Variants in CPNE8 observed in about 807,000 individuals in gnomAD.
CPNE8 encodes the protein copine 8, also known as copine-8.
In CPNE8, 45 loss-of-function variants were observed where a neutral mutation model predicts 81.5. The observed-to-expected ratio is 0.55, with a 90% CI of 0.44 to 0.71. The LOEUF (loss-of-function observed/expected upper bound fraction) is 0.71. Among genes scored for constraint, CPNE8 ranks in the 30% least tolerant of loss-of-function variants. The pLI, the probability that CPNE8 is intolerant of heterozygous loss-of-function variation, is 0.00. For synonymous variants in CPNE8, 252 were observed against 226.3 expected, an observed-to-expected ratio of 1.11 and a Z score of -1.02; for missense variants, 594 against 672.1, an observed-to-expected ratio of 0.88 and a Z score of 1.28.
intron 5 of CPNE8, among the ~76,000 whole-genome samples, chr12:38,837,506 CA>C (rs1212721226): frequency 6.6e-6 from 1 of 151,646 alleles, no homozygotes; most frequent in Middle Eastern, 3.2e-3. Context: ...TGAGCTCTCC[CA>C]AAAACAGTTT....
At chr12:38,690,179 A>G (rs2136667105) in intron 15 of CPNE8, among the ~76,000 whole-genome samples, 1 of 152,314 alleles carries the variant, frequency 6.6e-6, no homozygotes, top group South Asian at 2.1e-4. Flanking sequence ...AATTCATACC[A>G]TGGAAATACG....
chr12:38,788,975 A>G (rs1435934462), intron 6 of CPNE8, among the ~76,000 whole-genome samples: 1 of 151,964 alleles, frequency 6.6e-6, no homozygotes, highest in Non-Finnish European at 1.5e-5. Context: ...ATGAAAAGAT[A>G]TTCCATGTTT....
At chr12:38,728,470 G>A (rs933527432) in intron 11 of CPNE8, among the ~76,000 whole-genome samples, 1 of 152,032 alleles carries the variant, frequency 6.6e-6, no homozygotes, top group Non-Finnish European at 1.5e-5. Context: ...AGGGTTCGAC[G>A]GAACATTTGA....
chr12:38,785,435 CAT>C (rs1439743053), intron 6 of CPNE8, among the ~76,000 whole-genome samples: 1 of 151,942 alleles, frequency 6.6e-6, no homozygotes, highest in African/African-American at 2.4e-5. Context: ...ATAATTCCCA[CAT>C]GTTGTGGAGG....
rs115748816 is a variant in CPNE8, at chr12:38,765,833, A to T, written c.575+1802T>A. On this transcript the variant is annotated intron_variant, in intron 8 of 19. Transcript: ENST00000331366. ...TAGTTGTATTTTTCTTAATATTTAG[A>T]TTTTATTTAATGAGTGAACATCTTT... Among the ~76,000 whole-genome samples, 754 of 152,068 alleles carry T rather than the reference A, an allele frequency of 5.0e-3. 4 individuals are homozygous for T. Among genetic ancestry groups the T allele is most frequent in the African/African-American group, 0.017 (704 of 41,484 alleles).
chr12:38,737,530 G>T (rs1229722206), intron 10 of CPNE8, among the ~76,000 whole-genome samples: 1 of 152,032 alleles, frequency 6.6e-6, no homozygotes, highest in African/African-American at 2.4e-5. Flanking sequence ...GCTAAATATA[G>T]ATTAGTACTT....
chr12:38,755,804 G>T (rs1009977695), intron 10 of CPNE8, among the ~76,000 whole-genome samples: 1 of 151,982 alleles, frequency 6.6e-6, no homozygotes, highest in Non-Finnish European at 1.5e-5. Flanking sequence ...ACTTTGGGAG[G>T]CCGAGGCGGG....
chr12:38,736,713 C>G (rs1940961945), intron 10 of CPNE8, among the ~76,000 whole-genome samples: 1 of 151,938 alleles, frequency 6.6e-6, no homozygotes, highest in Non-Finnish European at 1.5e-5. Context: ...CAAACAAAAG[C>G]TCCCCATTCA....
intron 1 of CPNE8, among the ~76,000 whole-genome samples, chr12:38,891,338 C>A (rs1944311955): frequency 6.6e-6 from 1 of 151,896 alleles, no homozygotes; most frequent in Non-Finnish European, 1.5e-5. Flanking sequence ...CTCATTTCTT[C>A]ACAAATAAAA....
At chr12:38,774,568 G>GTATCAAAC (rs1372538964) in intron 7 of CPNE8, among the ~76,000 whole-genome samples, 1 of 151,936 alleles carries the variant, frequency 6.6e-6, no homozygotes, top group Non-Finnish European at 1.5e-5. Flanking sequence ...GTACATTATA[G>GTATCAAAC]TATCAAACTT....
chr12:38,757,818 T>C (rs559325893), intron 10 of CPNE8, among the ~76,000 whole-genome samples: 19 of 151,704 alleles, frequency 1.3e-4, no homozygotes, highest in Non-Finnish European at 2.5e-4. Flanking sequence ...AATCATATAA[T>C]TCATTTCCAA....
intron 1 of CPNE8, among the ~76,000 whole-genome samples, chr12:38,889,223 A>G (rs865948503): frequency 6.6e-6 from 1 of 152,212 alleles, no homozygotes; most frequent in Non-Finnish European, 1.5e-5. Context: ...AGATTTATAA[A>G]CAAATATGTG....
chr12:38,905,810 G>T (rs1944563097), upstream of CPNE8: 1 of 985,386 alleles, frequency 1.0e-6, no homozygotes. Context: ...CAGCAGCCCG[G>T]GCGGGGGACA....
At chr12:38,815,797 A>G (rs1943014442) in intron 6 of CPNE8, among the ~76,000 whole-genome samples, 2 of 152,188 alleles carry the variant, frequency 1.3e-5, no homozygotes, top group South Asian at 4.1e-4. Flanking sequence ...GGAAAGCAAA[A>G]TAGTTATTAT....
chr12:38,677,215 CT>C (rs148271245), intron 17 of CPNE8, among the ~76,000 whole-genome samples: 4,679 of 151,458 alleles, frequency 0.031, 224 homozygotes, highest in East Asian at 0.15. Flanking sequence ...ATGCTATTAT[CT>C]TTTTTTTTCT....
chr12:38,797,268 C>A (rs570406423), intron 6 of CPNE8, among the ~76,000 whole-genome samples: 5 of 152,108 alleles, frequency 3.3e-5, no homozygotes, highest in African/African-American at 4.8e-5. Flanking sequence ...TGACCCCTGA[C>A]CCCCGAGCAG....
At chr12:38,716,212 GACCAT>G (rs1350598391) in intron 13 of CPNE8, among the ~76,000 whole-genome samples, 1 of 152,014 alleles carries the variant, frequency 6.6e-6, no homozygotes, top group Middle Eastern at 3.2e-3. Flanking sequence ...ATTGGGAAAT[GACCAT>G]ACTGCCCAAA....
At chr12:38,886,707 G>A (rs1183100966) in intron 1 of CPNE8, among the ~76,000 whole-genome samples, 2 of 152,164 alleles carry the variant, frequency 1.3e-5, no homozygotes, top group Non-Finnish European at 2.9e-5. Flanking sequence ...GGGCCAAAGA[G>A]CCTCCTGGTA....
intron 11 of CPNE8, 81 bp from the exon 12 acceptor site, chr12:38,724,980 T>A: frequency 1.7e-6 from 2 of 1,201,186 alleles, no homozygotes; most frequent in Non-Finnish European, 2.4e-6. Flanking sequence ...ATGTGAAGTT[T>A]AACCTGCTGC....
Sources: allele counts gnomAD v4.1 joint callset (sites outside exome capture counted in the v4.1 genomes callset), GRCh38; gene constraint gnomAD v4.1.1; transcripts MANE v1.5; gene names NCBI Gene and HGNC (gene_info 2026-07-23, HGNC 2026-07-21).